Variants in UVRAG observed in about 807,000 individuals in gnomAD.
UVRAG encodes UV radiation resistance associated.
Under a neutral mutation model 78.0 loss-of-function variants are expected in UVRAG, and 19 were observed. That is an observed-to-expected ratio of 0.24 (90% CI 0.17 to 0.36). The LOEUF (loss-of-function observed/expected upper bound fraction) is 0.36, where lower values mean the gene tolerates loss of function less well. UVRAG is among the 10% of genes least tolerant of loss of function. The pLI is 1.00. For synonymous variants in UVRAG, 323 were observed against 324.6 expected (o/e 1.00, Z 0.05); for missense variants, 740 against 853.8 (o/e 0.87, Z 1.66).
intron 8 of UVRAG, among the ~76,000 whole-genome samples, chr11:75,985,041 G>A (rs111916067): frequency 6.8e-4 from 103 of 152,130 alleles, no homozygotes; most frequent in African/African-American, 2.4e-3. Flanking sequence ...GAGAATGTAC[G>A]TATCTTCAGC....
At chr11:76,029,155 C>T (rs1399030718) in intron 12 of UVRAG, among the ~76,000 whole-genome samples, 1 of 152,178 alleles carries the variant, frequency 6.6e-6, no homozygotes, top group Non-Finnish European at 1.5e-5. Context: ...GACAGCACAT[C>T]TGTTTACAAC....
At chr11:75,894,423 G>C (rs60662613) in intron 5 of UVRAG, among the ~76,000 whole-genome samples, 6,075 of 152,130 alleles carry the variant, frequency 0.04, 195 homozygotes, top group East Asian at 0.17. Flanking sequence ...ACAATAATGA[G>C]AGTGGGTGTT....
intron 13 of UVRAG, among the ~76,000 whole-genome samples, chr11:76,099,601 G>T (rs963605215): frequency 1.7e-4 from 26 of 152,052 alleles, no homozygotes; most frequent in Admixed American, 5.9e-4. Context: ...TCCTATTCAA[G>T]AATAGGATAT....
At chr11:76,055,620 AATGCTTCATC>A (rs1300681958) in intron 12 of UVRAG, among the ~76,000 whole-genome samples, 1 of 152,194 alleles carries the variant, frequency 6.6e-6, no homozygotes, top group Non-Finnish European at 1.5e-5. Flanking sequence ...ACTTCCCCTC[AATGCTTCATC>A]ATGCATATGA....
chr11:75,890,803 C>A (rs1590981786), intron 5 of UVRAG, among the ~76,000 whole-genome samples: 1 of 152,216 alleles, frequency 6.6e-6, no homozygotes, highest in East Asian at 1.9e-4. Flanking sequence ...GCCTGGAAGA[C>A]CTCCAGTTTT....
chr11:75,935,778 A>G (rs1948362018), intron 6 of UVRAG, among the ~76,000 whole-genome samples: 1 of 152,114 alleles, frequency 6.6e-6, no homozygotes, highest in South Asian at 2.1e-4. Context: ...AATCATGGAT[A>G]TTTGCTACAA....
intron 3 of UVRAG, among the ~76,000 whole-genome samples, chr11:75,878,708 A>G (rs894772319): frequency 2.6e-5 from 4 of 152,192 alleles, no homozygotes; most frequent in African/African-American, 9.7e-5. Context: ...AAAAAATATG[A>G]AAACCAGTCA....
chr11:75,964,307 T>C (rs1354968775), intron 7 of UVRAG, among the ~76,000 whole-genome samples: 1 of 152,212 alleles, frequency 6.6e-6, no homozygotes, highest in Non-Finnish European at 1.5e-5. Flanking sequence ...AGGAAAAATA[T>C]GTGTAGAATG....
chr11:75,926,362 C>A (rs1948104649), intron 6 of UVRAG, among the ~76,000 whole-genome samples: 1 of 152,200 alleles, frequency 6.6e-6, no homozygotes, highest in Non-Finnish European at 1.5e-5. Context: ...TCAGACTCTG[C>A]AAGAAGTAAA....
rs754114400 is a variant in UVRAG at position 76,116,010 on chromosome 11, C to T, written c.1392C>T (p.Val464=). ...ACTTCATGGAGCATGGACTAATGGTCAGGTGGTGAGTACCTTTATCTCTGA... is the reference window on the plus strand; with the variant it reads ...ACTTCATGGAGCATGGACTAATGGTTAGGTGGTGAGTACCTTTATCTCTGA... The part of the protein sequence containing the change: ...LKNFMEHGLM[V]RCDRHHTSSA... The change falls in exon 14 of 15, where the codon GTC becomes GTT. Residue 464 remains valine (V), a synonymous_variant. Coordinates refer to ENST00000356136, the MANE Select transcript of UVRAG (RefSeq NM_003369.4). 3.7e-6 allele frequency: 6 copies of T among 1,613,660 alleles called. No individual in the cohort carries two copies. The highest frequency in any genetic ancestry group is 5.1e-6 in the Non-Finnish European group (6 of 1,179,698).
chr11:75,924,120 C>CG (rs1948036146), intron 6 of UVRAG, among the ~76,000 whole-genome samples: 1 of 152,180 alleles, frequency 6.6e-6, no homozygotes, highest in East Asian at 1.9e-4. Context: ...TGGCTCAGAG[C>CG]GAATGCTCAG....
At chr11:75,919,930 T>C (rs975328463) in intron 6 of UVRAG, among the ~76,000 whole-genome samples, 2 of 149,768 alleles carry the variant, frequency 1.3e-5, no homozygotes, top group African/African-American at 2.5e-5. Context: ...AGTGTAATTA[T>C]GAGAGCCTTC....
intron 12 of UVRAG, among the ~76,000 whole-genome samples, chr11:76,030,701 C>G (rs1327907175): frequency 2.6e-5 from 4 of 152,128 alleles, no homozygotes; most frequent in African/African-American, 9.7e-5. Context: ...CTGGAATGCC[C>G]TCCCTAGCCA....
chr11:76,046,612 A>C lies in UVRAG; in HGVS notation c.1227-19098A>C, dbSNP rs1469796732. Reference sequence around the variant, plus strand: ...ATGTTGCATACTGATTTAACCAAAAATTATGATGTTGACCCTAGTGAATGG... The same window carrying C: ...ATGTTGCATACTGATTTAACCAAAACTTATGATGTTGACCCTAGTGAATGG... On this transcript the variant is annotated intron_variant, in intron 12 of 14. Coordinates refer to ENST00000356136, the MANE Select transcript of UVRAG (RefSeq NM_003369.4). 2.6e-5 allele frequency among the ~76,000 whole-genome samples: 4 copies of C among 152,242 alleles called. No homozygotes were observed. In the South Asian group the frequency reaches 6.2e-4, roughly 24 times the overall value.
chr11:76,000,616 T>TA (rs111698746), intron 8 of UVRAG, among the ~76,000 whole-genome samples: 88 of 146,880 alleles, frequency 6.0e-4, no homozygotes, highest in East Asian at 5.7e-3. Context: ...CCCTGTTTCT[T>TA]AAAAAAAAAA....
intron 14 of UVRAG, chr11:76,137,866 C>T (rs1209555409): frequency 5.3e-6 from 1 of 190,438 alleles, no homozygotes; most frequent in Non-Finnish European, 1.1e-5. Flanking sequence ...GTGATCACAC[C>T]AGTGTACTCT....
chr11:75,932,530 C>T (rs993445402), intron 6 of UVRAG, among the ~76,000 whole-genome samples: 2 of 151,956 alleles, frequency 1.3e-5, no homozygotes, highest in East Asian at 3.9e-4. Context: ...ATGATCTGCC[C>T]GCCTCGGCCT....
At chr11:75,969,814 C>T (rs915612077) in intron 7 of UVRAG, among the ~76,000 whole-genome samples, 1 of 152,152 alleles carries the variant, frequency 6.6e-6, no homozygotes, top group Non-Finnish European at 1.5e-5. Flanking sequence ...ATGCCCGTTG[C>T]TTCAACGAGG....
intron 13 of UVRAG, among the ~76,000 whole-genome samples, chr11:76,096,393 A>G (rs146370323): frequency 1.8e-3 from 275 of 152,320 alleles, no homozygotes; most frequent in African/African-American, 6.4e-3. Flanking sequence ...CTGTCTTTAT[A>G]TTTGGAGGAC....
Sources: gnomAD v4.1 joint callset for allele counts (sites outside exome capture counted in the v4.1 genomes callset) on GRCh38, gnomAD v4.1.1 for gene constraint, MANE v1.5 for transcripts, NCBI Gene and HGNC (gene_info 2026-07-23, HGNC 2026-07-21) for gene names.